FHIT: variants seen among roughly 807,000 people sequenced by gnomAD.
FHIT encodes fragile histidine triad diadenosine triphosphatase.
A neutral mutation model predicts 17.9 loss-of-function variants in FHIT; 19 were observed. The ratio of observed to expected loss-of-function variants is 1.06; its 90% CI spans 0.74 to 1.56. FHIT has a LOEUF of 1.56. Ranked by LOEUF, FHIT falls within the 40% of genes most tolerant of loss-of-function variation. FHIT has a pLI of 0.00. For synonymous variants in FHIT, 81 were observed against 69.7 expected (o/e 1.16, Z -0.81); for missense variants, 248 against 189.2 (o/e 1.31, Z -1.82).
chr3:60,704,219 G>T (rs2041316285), intron 4 of FHIT, among the ~76,000 whole-genome samples: 1 of 152,160 alleles, frequency 6.6e-6, no homozygotes, highest in African/African-American at 2.4e-5. Context: ...CATCAGGACT[G>T]TGTCACAATG....
chr3:60,358,191 T>G (rs184236233), intron 5 of FHIT, among the ~76,000 whole-genome samples: 2 of 152,218 alleles, frequency 1.3e-5, no homozygotes, highest in Non-Finnish European at 2.9e-5. Flanking sequence ...ACCCTCAACA[T>G]AACAAGCACT....
intron 8 of FHIT, among the ~76,000 whole-genome samples, chr3:59,769,965 T>C (rs555435561): frequency 5.7e-4 from 87 of 152,318 alleles, no homozygotes; most frequent in African/African-American, 2.0e-3. Context: ...AATGACAGAA[T>C]TGTCCATGTT....
At chr3:60,921,612 C>A (rs1707286739) in intron 3 of FHIT, among the ~76,000 whole-genome samples, 1 of 152,090 alleles carries the variant, frequency 6.6e-6, no homozygotes, top group African/African-American at 2.4e-5. Flanking sequence ...ATATGAAATG[C>A]CATCCCCTCT....
At chr3:60,602,536 A>G (rs2038478501) in intron 4 of FHIT, among the ~76,000 whole-genome samples, 1 of 152,092 alleles carries the variant, frequency 6.6e-6, no homozygotes, top group South Asian at 2.1e-4. Context: ...CTTGATGATG[A>G]AAGGTACCCA....
At chr3:60,955,635 C>CAT (rs1553778580) in intron 3 of FHIT, among the ~76,000 whole-genome samples, 13,600 of 46,410 alleles carry the variant, frequency 0.29, 2,002 homozygotes, top group African/African-American at 0.4. Flanking sequence ...TATATATATA[C>CAT]ACACACACAC....
At chr3:60,246,960 C>G (rs564982158) in intron 5 of FHIT, among the ~76,000 whole-genome samples, 2 of 152,180 alleles carry the variant, frequency 1.3e-5, no homozygotes, top group South Asian at 2.1e-4. Flanking sequence ...TGCATTGAAA[C>G]TATTCTGTAT....
chr3:59,883,257 T>G (rs1165518849), intron 8 of FHIT, among the ~76,000 whole-genome samples: 3 of 152,202 alleles, frequency 2.0e-5, no homozygotes, highest in African/African-American at 7.2e-5. Context: ...TACTATTGTC[T>G]ATGCTCTTAG....
At chr3:60,034,113 A>G (rs1319363760) in intron 5 of FHIT, among the ~76,000 whole-genome samples, 1 of 152,250 alleles carries the variant, frequency 6.6e-6, no homozygotes, top group Admixed American at 6.5e-5. Context: ...AATCTTCACA[A>G]CAATTTCATA....
At chr3:60,613,806 A>G (rs188946360) in intron 4 of FHIT, among the ~76,000 whole-genome samples, 511 of 152,164 alleles carry the variant, frequency 3.4e-3, no homozygotes, top group Non-Finnish European at 5.2e-3. Flanking sequence ...CCCATGCAAC[A>G]TATCACACAG....
rs34799137 is a variant in FHIT, at chr3:60,249,537, AT to A, written c.104-235386del. On this transcript the variant is annotated intron_variant, in intron 5 of 9. Transcript: ENST00000492590. ...AAAGTTGGACCAATAAGGATGAAGG[AT>A]TTTTTTTTCAACAGTTATCAGAAGA... Among the ~76,000 whole-genome samples, 791 of 151,168 alleles carry A rather than the reference AT, an allele frequency of 5.2e-3. 3 individuals are homozygous for A. The highest frequency in any genetic ancestry group is 0.018 in the African/African-American group (745 of 41,150).
chr3:60,591,698 A>C (rs565575765), intron 4 of FHIT, among the ~76,000 whole-genome samples: 1 of 152,204 alleles, frequency 6.6e-6, no homozygotes, highest in South Asian at 2.1e-4. Context: ...CAGAGAGGAA[A>C]ATGAAATGAG....
chr3:61,049,392 G>A lies in FHIT; in HGVS notation c.-163-7293C>T, dbSNP rs115216503. On this transcript the variant is annotated intron_variant, in intron 2 of 9. Transcript: ENST00000492590. ...TAGATCTCCATGAATAAATGCAGGA[G>A]AAATGACACAACTAGAAAACTGCTA... Among the ~76,000 whole-genome samples the A allele has an allele frequency of 9.4e-3, 1,429 of 151,974 alleles. 30 individuals carry two copies. The highest frequency in any genetic ancestry group is 0.032 in the African/African-American group (1,324 of 41,464).
intron 6 of FHIT, among the ~76,000 whole-genome samples, chr3:60,013,078 C>G (rs1322804948): frequency 6.6e-6 from 1 of 152,134 alleles, no homozygotes; most frequent in African/African-American, 2.4e-5. Flanking sequence ...ACTCTTAACA[C>G]AGACATGGCA....
chr3:60,924,067 G>T (rs184913002), intron 3 of FHIT, among the ~76,000 whole-genome samples: 1 of 152,290 alleles, frequency 6.6e-6, no homozygotes, highest in African/African-American at 2.4e-5. Context: ...CTGGAAGCTC[G>T]AACTCGGTGG....
At chr3:60,130,784 G>GTATATACACACATATATGTGTGTGTGTGT (rs148356992) in intron 5 of FHIT, among the ~76,000 whole-genome samples, 11,740 of 111,674 alleles carry the variant, frequency 0.11, 737 homozygotes, top group Admixed American at 0.17. Context: ...GTGTGTGTGT[G>GTATATACACACATATATGTGTGTGTGTGT]GTGTGTATAT....
chr3:60,782,585 G>C (rs1559718196), intron 4 of FHIT, among the ~76,000 whole-genome samples: 1 of 152,116 alleles, frequency 6.6e-6, no homozygotes, highest in Admixed American at 6.6e-5. Context: ...GCTATAAGAA[G>C]AACAGAACAA....
intron 1 of FHIT, among the ~76,000 whole-genome samples, chr3:61,216,321 C>A (rs193111914): frequency 3.3e-5 from 5 of 151,942 alleles, no homozygotes; most frequent in East Asian, 3.9e-4. Context: ...ACCCCATCAA[C>A]AAGTGGGCGA....
chr3:61,055,230 A>G (rs548113217), intron 2 of FHIT, among the ~76,000 whole-genome samples: 1 of 152,222 alleles, frequency 6.6e-6, no homozygotes, highest in African/African-American at 2.4e-5. Flanking sequence ...ATATCTGAAG[A>G]AAGAATGCAT....
At chr3:61,017,717 C>A (rs377385187) in intron 3 of FHIT, among the ~76,000 whole-genome samples, 1 of 152,166 alleles carries the variant, frequency 6.6e-6, no homozygotes, top group Non-Finnish European at 1.5e-5. Context: ...GCTGAGATAA[C>A]ATTGTGAAGA....
Sources: gnomAD v4.1 joint callset for allele counts (sites outside exome capture counted in the v4.1 genomes callset) on GRCh38, gnomAD v4.1.1 for gene constraint, MANE v1.5 for transcripts, NCBI Gene and HGNC (gene_info 2026-07-23, HGNC 2026-07-21) for gene names.